Variants in AKAP13 observed in about 807,000 individuals in gnomAD.
AKAP13 encodes the protein A-kinase anchor protein 13.
A neutral mutation model predicts 264.5 loss-of-function variants in AKAP13; 80 were observed. The observed-to-expected ratio is 0.30, with a 90% CI of 0.25 to 0.36. The LOEUF (loss-of-function observed/expected upper bound fraction) is 0.36. AKAP13 is among the 10% of genes least tolerant of loss of function. The pLI is 1.00. For missense variants in AKAP13, 3,712 were observed against 3,435.2 expected, an observed-to-expected ratio of 1.08 and a Z score of -2.01; for synonymous variants, 1,380 against 1,250.2, an observed-to-expected ratio of 1.10 and a Z score of -2.19.
At chr15:85,442,074 GGTAAGCCTAGGATA>G (rs2073676341) in intron 1 of AKAP13, among the ~76,000 whole-genome samples, 2 of 151,994 alleles carry the variant, frequency 1.3e-5, no homozygotes, top group Admixed American at 1.3e-4. Flanking sequence ...GTTAGGGCTG[GGTAAGCCTAGGATA>G]GTACAAGCTA....
At chr15:85,722,791 T>C (rs2087373565) in intron 25 of AKAP13, among the ~76,000 whole-genome samples, 1 of 152,220 alleles carries the variant, frequency 6.6e-6, no homozygotes, top group African/African-American at 2.4e-5. Context: ...TTGGTTGCTC[T>C]TCCTGCTATT....
intron 2 of AKAP13, among the ~76,000 whole-genome samples, chr15:85,488,005 T>C (rs1260747705): frequency 2.0e-5 from 3 of 152,082 alleles, no homozygotes; most frequent in African/African-American, 7.2e-5. Context: ...TCAAATGCTC[T>C]TCCCACCTCA....
intron 30 of AKAP13, among the ~76,000 whole-genome samples, chr15:85,730,996 G>C (rs796252395): frequency 3.8e-5 from 4 of 106,194 alleles, no homozygotes; most frequent in African/African-American, 1.4e-4. Flanking sequence ...AGTCACTTAT[G>C]CTTTTTTTTT....
intron 16 of AKAP13, chr15:85,691,940 T>G: frequency 2.2e-6 from 1 of 460,938 alleles, no homozygotes; most frequent in South Asian, 1.5e-5. Flanking sequence ...CCTGCACCCC[T>G]AGGTACTCAG....
chr15:85,553,392 A>G (rs2078033403), intron 5 of AKAP13, among the ~76,000 whole-genome samples: 1 of 152,138 alleles, frequency 6.6e-6, no homozygotes. Flanking sequence ...CTGGCCTAAC[A>G]TCTGTAATTC....
chr15:85,431,608 G>A (rs996953625), intron 1 of AKAP13, among the ~76,000 whole-genome samples: 1 of 152,156 alleles, frequency 6.6e-6, no homozygotes, highest in African/African-American at 2.4e-5. Flanking sequence ...CAGGTGATGA[G>A]GTGCTGGTTA....
chr15:85,504,530 A>AAAAAAACAAAAAAAAAAAAAAAAAAG, intron 2 of AKAP13, among the ~76,000 whole-genome samples: 1 of 124,280 alleles, frequency 8.0e-6, no homozygotes, highest in African/African-American at 3.3e-5. Flanking sequence ...AAAAAAAAAA[A>AAAAAAACAAAAAAAAAAAAAAAAAAG]AAAAAGAAAA....
chr15:85,482,899 C>G (rs558001723), intron 1 of AKAP13, among the ~76,000 whole-genome samples: 2 of 152,192 alleles, frequency 1.3e-5, no homozygotes, highest in Admixed American at 1.3e-4. Flanking sequence ...TTGACAGATA[C>G]ATTCTTTTCA....
chr15:85,638,197 A>T (rs1054241627), intron 8 of AKAP13, among the ~76,000 whole-genome samples: 1 of 151,398 alleles, frequency 6.6e-6, no homozygotes, highest in Non-Finnish European at 1.5e-5. Context: ...AGTTTTTAAA[A>T]TTTTTTTCAA....
rs749772207 is a variant in AKAP13 at position 85,645,909 on chromosome 15, C to A, written c.4329C>A (p.Leu1443=). 8.1e-6 allele frequency: 13 copies of A among 1,613,644 alleles called. No homozygotes were observed. Among genetic ancestry groups the A allele is most frequent in the Non-Finnish European group, 1.1e-5 (13 of 1,179,978 alleles). ...GAGAATCTGGGAGTGATTCTGACCT[C>A]TTTCACTCACCCAGTGATGACATGG... The part of the protein sequence containing the change: ...LKRESGSDSD[L]FHSPSDDMDS... Residue 1443 remains leucine, a synonymous_variant, in exon 10 of 37, where the codon CTC becomes CTA. Coordinates refer to ENST00000394518, the MANE Select transcript of AKAP13 (RefSeq NM_007200.5).
At chr15:85,725,002 G>C (rs917365944) in intron 26 of AKAP13, among the ~76,000 whole-genome samples, 1 of 152,094 alleles carries the variant, frequency 6.6e-6, no homozygotes, top group Non-Finnish European at 1.5e-5. Context: ...TACGCTGTCT[G>C]GCAGTTCAGA....
chr15:85,557,753 G>C (rs543891763), intron 5 of AKAP13, among the ~76,000 whole-genome samples: 2 of 152,258 alleles, frequency 1.3e-5, no homozygotes, highest in South Asian at 4.1e-4. Flanking sequence ...TGGATTACAG[G>C]CATGAGCCCC....
intron 5 of AKAP13, among the ~76,000 whole-genome samples, chr15:85,570,576 T>G (rs961200198): frequency 3.9e-5 from 6 of 152,164 alleles, no homozygotes; most frequent in African/African-American, 1.4e-4. Context: ...CAGAACATGT[T>G]TCAGTGCGTT....
At chr15:85,665,601 C>T (rs916207532) in intron 13 of AKAP13, among the ~76,000 whole-genome samples, 1 of 152,144 alleles carries the variant, frequency 6.6e-6, no homozygotes, top group Admixed American at 6.5e-5. Context: ...CATAGGTATA[C>T]ATGTGCCGTG....
At chr15:85,553,296 C>T (rs2078029580) in intron 5 of AKAP13, among the ~76,000 whole-genome samples, 1 of 152,084 alleles carries the variant, frequency 6.6e-6, no homozygotes, top group South Asian at 2.1e-4. Context: ...CCATATTAAC[C>T]AGGCTGGTCT....
chr15:85,465,220 G>C (rs1359692496), intron 1 of AKAP13, among the ~76,000 whole-genome samples: 2 of 151,804 alleles, frequency 1.3e-5, no homozygotes, highest in Admixed American at 1.3e-4. Flanking sequence ...CCAAAGTGCT[G>C]GGATTACAGG....
At chr15:85,709,401 C>T (rs542758617) in intron 18 of AKAP13, among the ~76,000 whole-genome samples, 52 of 152,328 alleles carry the variant, frequency 3.4e-4, no homozygotes, top group African/African-American at 1.2e-3. Flanking sequence ...CTGAGCACCT[C>T]ACAGGGAGGG....
At chr15:85,705,398 C>T (rs1240670651) in intron 17 of AKAP13, among the ~76,000 whole-genome samples, 1 of 152,102 alleles carries the variant, frequency 6.6e-6, no homozygotes, top group Non-Finnish European at 1.5e-5. Context: ...GCAAATCTGC[C>T]ACCTCCTGTG....
chr15:85,716,360 CTT>C lies in AKAP13; in HGVS notation c.5735+438_5735+439del, dbSNP rs536826151. 5.3e-5 allele frequency among the ~76,000 whole-genome samples: 8 copies of C among 152,258 alleles called. No individual in the cohort carries two copies. The South Asian group carries it at 1.7e-3, about 32-fold the overall frequency. On this transcript the variant is annotated intron_variant, in intron 20 of 36. Transcript: ENST00000394518. ...TGTTTTACATCTTTGCCTTTTAACA[CTT>C]AAGTCAGTTTCATGGAGGTGAGTGC... is the stretch of plus-strand genomic sequence containing the variant.
Sources: allele counts gnomAD v4.1 joint callset (sites outside exome capture counted in the v4.1 genomes callset), GRCh38; gene constraint gnomAD v4.1.1; transcripts MANE v1.5; gene names NCBI Gene and HGNC (gene_info 2026-07-23, HGNC 2026-07-21).